The following RBMS1 variants were observed in gnomAD, a reference collection of about 807,000 sequenced individuals.
RBMS1 encodes RNA-binding motif, single-stranded-interacting protein 1.
A neutral mutation model predicts 62.3 loss-of-function variants in RBMS1; 17 were observed. The observed-to-expected ratio is 0.27, with a 90% CI of 0.19 to 0.41. The LOEUF (loss-of-function observed/expected upper bound fraction) is 0.41. Ranked by LOEUF, RBMS1 falls within the 10% of genes least tolerant of loss-of-function variation. The pLI is 1.00. For missense variants in RBMS1, 334 were observed against 504.5 expected (o/e 0.66, Z 3.24); for synonymous variants, 172 against 170.0 (o/e 1.01, Z -0.09).
intron 1 of RBMS1, among the ~76,000 whole-genome samples, chr2:160,481,952 C>A (rs1685390186): frequency 6.6e-6 from 1 of 152,144 alleles, no homozygotes; most frequent in Admixed American, 6.5e-5. Flanking sequence ...TATCCTATGA[C>A]CTACAAATTC....
chr2:160,275,552 A>T, intron 13 of RBMS1, 78 bp downstream of exon 13: 1 of 1,543,028 alleles, frequency 6.5e-7, no homozygotes, highest in Non-Finnish European at 8.8e-7. Context: ...TATCCCAATC[A>T]CCATTCTGAT....
intron 1 of RBMS1, among the ~76,000 whole-genome samples, chr2:160,443,860 C>A (rs1683525592): frequency 1.3e-5 from 2 of 152,174 alleles, no homozygotes; most frequent in Non-Finnish European, 2.9e-5. Flanking sequence ...ATGAATTAGG[C>A]CACTCTACTT....
chr2:160,390,279 C>T (rs2105209342), intron 1 of RBMS1, among the ~76,000 whole-genome samples: 1 of 152,246 alleles, frequency 6.6e-6, no homozygotes, highest in Middle Eastern at 3.4e-3. Flanking sequence ...AAGAGGTAGA[C>T]CTTGAATTTC....
chr2:160,338,692 G>C (rs541457953), intron 2 of RBMS1, among the ~76,000 whole-genome samples: 1 of 152,246 alleles, frequency 6.6e-6, no homozygotes. Context: ...CAACACCTTT[G>C]ACATAATTGG....
At chr2:160,330,024 G>C (rs1356747512) in intron 2 of RBMS1, among the ~76,000 whole-genome samples, 1 of 152,104 alleles carries the variant, frequency 6.6e-6, no homozygotes, top group Non-Finnish European at 1.5e-5. Context: ...AAGTCCTTAA[G>C]AGCAAGTCAT....
At chr2:160,446,072 T>C (rs541234137) in intron 1 of RBMS1, among the ~76,000 whole-genome samples, 24 of 152,348 alleles carry the variant, frequency 1.6e-4, no homozygotes, top group African/African-American at 5.8e-4. Flanking sequence ...TTTTCTTTCT[T>C]TGAAAGTTTT....
chr2:160,350,916 G>A (rs566775795), intron 2 of RBMS1, among the ~76,000 whole-genome samples: 1 of 152,074 alleles, frequency 6.6e-6, no homozygotes, highest in African/African-American at 2.4e-5. Flanking sequence ...CTAGATCCTT[G>A]AGGAATCGCC....
At chr2:160,447,571 TTTAC>T (rs1282150764) in intron 1 of RBMS1, among the ~76,000 whole-genome samples, 8 of 152,218 alleles carry the variant, frequency 5.3e-5, no homozygotes, top group Non-Finnish European at 1.0e-4. Flanking sequence ...ATTCTGCATA[TTTAC>T]TTGTTTCTTT....
chr2:160,381,398 A>C (rs1159227658), intron 1 of RBMS1, among the ~76,000 whole-genome samples: 1 of 152,220 alleles, frequency 6.6e-6, no homozygotes, highest in Non-Finnish European at 1.5e-5. Flanking sequence ...AAAGCATGAC[A>C]ATTTCTGGAA....
intron 2 of RBMS1, among the ~76,000 whole-genome samples, chr2:160,321,028 T>C (rs1321118655): frequency 6.6e-6 from 1 of 151,952 alleles, no homozygotes; most frequent in Non-Finnish European, 1.5e-5. Context: ...GGGCATTTTG[T>C]AAACCAAACA....
intron 1 of RBMS1, among the ~76,000 whole-genome samples, chr2:160,383,217 C>T (rs1015076079): frequency 1.3e-5 from 2 of 152,084 alleles, no homozygotes; most frequent in African/African-American, 2.4e-5. Flanking sequence ...AGAAGCCTTC[C>T]TTGCCTCTTC....
chr2:160,385,997 T>C (rs1222523429), intron 1 of RBMS1, among the ~76,000 whole-genome samples: 2 of 152,164 alleles, frequency 1.3e-5, no homozygotes, highest in Non-Finnish European at 2.9e-5. Flanking sequence ...TGTTCTGACT[T>C]CAAAAAGCCA....
At position 160,278,826 on chromosome 2, in the gene RBMS1, A is replaced by G. The variant is rs533694009; in HGVS notation, c.952-168T>C. 86 of 560,928 alleles carry G rather than the reference A, an allele frequency of 1.5e-4. 1 individual carries two copies. In the South Asian group the frequency reaches 1.9e-3, roughly 12 times the overall value. The allele number at this position is 560,928 out of a possible 1,614,324, so 34.7% of individuals were successfully genotyped here. ...ATAAACAGTTTCCTAAAAATCTTCT[A>G]AATTGCTCTTCCTGAGAGTTTTTTA... On this transcript the variant is annotated intron_variant, in intron 10 of 13. Transcript: ENST00000348849.
Position 160,337,891 on chromosome 2 carries a change from T to C in RBMS1, c.252-19664A>G, listed in dbSNP as rs1300594376. Among the ~76,000 whole-genome samples the C allele has an allele frequency of 6.6e-5, 10 of 152,288 alleles. No homozygotes were observed. In the East Asian group the frequency reaches 1.9e-3, roughly 30 times the overall value. ...AGGGTCAATCTCTGAAGTACAGGAC[T>C]TGGTGACTCAGTGTGAGATGGATAT... On this transcript the variant is annotated intron_variant, in intron 2 of 13. Coordinates refer to ENST00000348849, the MANE Select transcript of RBMS1 (RefSeq NM_016836.4).
intron 11 of RBMS1, 30 bp from the exon 12 acceptor site, chr2:160,277,413 A>C: frequency 1.3e-6 from 2 of 1,560,480 alleles, no homozygotes; most frequent in Non-Finnish European, 1.8e-6. Flanking sequence ...CAGAATGGGC[A>C]ATGGTAAACC....
intron 2 of RBMS1, among the ~76,000 whole-genome samples, chr2:160,319,139 A>G (rs1168564394): frequency 6.6e-6 from 1 of 152,218 alleles, no homozygotes. Context: ...CTATAAGGAA[A>G]AGCACTGTTA....
chr2:160,347,838 T>C (rs987585423), intron 2 of RBMS1, among the ~76,000 whole-genome samples: 5 of 152,084 alleles, frequency 3.3e-5, no homozygotes, highest in Non-Finnish European at 7.4e-5. Context: ...GTAGAAGCCC[T>C]GATATCCTTA....
At chr2:160,493,031 AG>A in intron 1 of RBMS1, 1 of 409,598 alleles carries the variant, frequency 2.4e-6, no homozygotes, top group Non-Finnish European at 4.3e-6. Context: ...CGGGCCAGGA[AG>A]GGGCTGGTGG....
At chr2:160,369,022 A>G (rs981563211) in intron 1 of RBMS1, among the ~76,000 whole-genome samples, 4 of 152,136 alleles carry the variant, frequency 2.6e-5, no homozygotes, top group African/African-American at 7.2e-5. Flanking sequence ...CCTTGCTGAG[A>G]TATCATCTGA....
Sources: allele counts gnomAD v4.1 joint callset (sites outside exome capture counted in the v4.1 genomes callset), GRCh38; gene constraint gnomAD v4.1.1; transcripts MANE v1.5; gene names NCBI Gene and HGNC (gene_info 2026-07-23, HGNC 2026-07-21).